RIN3: variants seen among roughly 807,000 people sequenced by gnomAD.
The protein encoded by RIN3 is RAB5 interacting protein 3.
Under a neutral mutation model 76.3 loss-of-function variants are expected in RIN3, and 54 were observed. The ratio of observed to expected loss-of-function variants is 0.71; its 90% CI spans 0.57 to 0.89. The LOEUF (loss-of-function observed/expected upper bound fraction) is 0.89. RIN3 is among the 40% of genes least tolerant of loss of function. The pLI is 0.00. For missense variants in RIN3, 1,256 were observed against 1,322.1 expected (o/e 0.95, Z 0.78); for synonymous variants, 576 against 564.0 (o/e 1.02, Z -0.30).
chr14:92,583,976 G>A (rs1884666747), intron 3 of RIN3, among the ~76,000 whole-genome samples: 1 of 152,200 alleles, frequency 6.6e-6, no homozygotes, highest in African/African-American at 2.4e-5. Context: ...AGCTCCAGTG[G>A]TGAAGCTCGC....
chr14:92,577,618 A>C, intron 3 of RIN3, 141 bp downstream of exon 3: 1 of 579,736 alleles, frequency 1.7e-6, no homozygotes, highest in Non-Finnish European at 3.1e-6. Context: ...CAGTCACTGA[A>C]GTTACTTAGC....
chr14:92,543,956 C>T (rs2140019198), intron 1 of RIN3, among the ~76,000 whole-genome samples: 1 of 152,278 alleles, frequency 6.6e-6, no homozygotes, highest in East Asian at 1.9e-4. Flanking sequence ...AATTCCTTCT[C>T]CACTCTGTCC....
Position 92,619,756 on chromosome 14 carries a change from C to T in RIN3, c.440+4277C>T, listed in dbSNP as rs117518350. Reference sequence around the variant, plus strand: ...TAGTCTTAACTGCATGTTATAATGGCGAATTTTAAAGTAAAACCTGGTAAG... The same window carrying T: ...TAGTCTTAACTGCATGTTATAATGGTGAATTTTAAAGTAAAACCTGGTAAG... On this transcript the variant is annotated intron_variant, in intron 4 of 9. Transcript: ENST00000216487. Among the ~76,000 whole-genome samples the T allele has an allele frequency of 2.6e-4, 40 of 152,150 alleles. 1 individual carries two copies. The East Asian group carries it at 6.9e-3, about 26-fold the overall frequency.
intron 1 of RIN3, among the ~76,000 whole-genome samples, chr14:92,536,201 GC>G: frequency 6.6e-6 from 1 of 152,188 alleles, no homozygotes; most frequent in Non-Finnish European, 1.5e-5. Context: ...GATCTTCTCA[GC>G]CCCTTTCATC....
At chr14:92,594,258 C>A (rs1424720676) in intron 3 of RIN3, among the ~76,000 whole-genome samples, 1 of 152,000 alleles carries the variant, frequency 6.6e-6, no homozygotes, top group Admixed American at 6.5e-5. Flanking sequence ...TATGGAGAAA[C>A]CCCATCTCTA....
chr14:92,566,457 C>T (rs1195187273), intron 2 of RIN3, among the ~76,000 whole-genome samples: 1 of 152,110 alleles, frequency 6.6e-6, no homozygotes, highest in Admixed American at 6.6e-5. Context: ...TATTGACCAC[C>T]CGTGATGTGA....
chr14:92,687,750 G>C (rs755163146), intron 9 of RIN3, 176 bp from the exon 10 acceptor site: 15 of 568,546 alleles, frequency 2.6e-5, no homozygotes, highest in Non-Finnish European at 3.9e-5. Context: ...GCCAGGCAGG[G>C]AGGGGGACGG....
chr14:92,561,044 A>AAAAAATATATAT (rs1555383856), intron 2 of RIN3, among the ~76,000 whole-genome samples: 1 of 24,398 alleles, frequency 4.1e-5, no homozygotes, highest in African/African-American at 1.3e-4. Flanking sequence ...AAAAAAAAAA[A>AAAAAATATATAT]ATATATATAT....
rs371452237 is a variant in RIN3, at chr14:92,605,311, A to G, written c.368-10096A>G. 2.6e-5 allele frequency among the ~76,000 whole-genome samples: 4 copies of G among 152,368 alleles called. No individual in the cohort carries two copies. The East Asian group carries it at 5.8e-4, about 22-fold the overall frequency. The stretch of plus-strand genomic sequence containing the variant: ...CCTAGTCAAAGAGAAACTCTGACCA[A>G]GCCCTTCAAATGGGGGTCAGAACTG... On this transcript the variant is annotated intron_variant, in intron 3 of 9. Coordinates refer to ENST00000216487, the MANE Select transcript of RIN3 (RefSeq NM_024832.5).
chr14:92,634,772 T>G (rs1313448405), intron 4 of RIN3, among the ~76,000 whole-genome samples: 1 of 151,208 alleles, frequency 6.6e-6, no homozygotes, highest in Non-Finnish European at 1.5e-5. Context: ...GCAGGAGAAT[T>G]GCTTGAACCC....
chr14:92,641,206 A>T, intron 4 of RIN3, 32 bp from the exon 5 acceptor site: 1 of 1,528,276 alleles, frequency 6.5e-7, no homozygotes, highest in South Asian at 1.1e-5. Flanking sequence ...CGGTGGACCC[A>T]GACATGACTT....
chr14:92,554,301 G>A (rs1897517600), intron 1 of RIN3, among the ~76,000 whole-genome samples: 1 of 152,144 alleles, frequency 6.6e-6, no homozygotes, highest in African/African-American at 2.4e-5. Context: ...TGAGGGTCTT[G>A]GGGAGGGTCT....
rs531257807 is a variant in RIN3 at position 92,546,723 on chromosome 14, G to A, written c.45-9028G>A. Reference sequence around the variant, plus strand: ...CATTCTCTGGGGAGCTTTGCCCCCCGCCCCCAGCCTCAGACCATTCCTCCT... The same window carrying A: ...CATTCTCTGGGGAGCTTTGCCCCCCACCCCCAGCCTCAGACCATTCCTCCT... On this transcript the variant is annotated intron_variant, in intron 1 of 9. Coordinates refer to ENST00000216487, the MANE Select transcript of RIN3 (RefSeq NM_024832.5). Among the ~76,000 whole-genome samples, 22 of 148,998 alleles carry A rather than the reference G, an allele frequency of 1.5e-4. No homozygotes were observed. In the East Asian group the frequency reaches 2.1e-3, roughly 14 times the overall value.
intron 3 of RIN3, among the ~76,000 whole-genome samples, chr14:92,578,108 C>T (rs1898311382): frequency 6.6e-6 from 1 of 151,948 alleles, no homozygotes; most frequent in African/African-American, 2.4e-5. Context: ...TGGTGGCATG[C>T]ACCTGTGGTC....
At chr14:92,599,550 C>A (rs76804619) in intron 3 of RIN3, among the ~76,000 whole-genome samples, 2 of 152,086 alleles carry the variant, frequency 1.3e-5, no homozygotes, top group Non-Finnish European at 2.9e-5. Context: ...ACGCAGTGAG[C>A]GTCGGTGCCT....
chr14:92,640,769 G>C (rs112742801), intron 4 of RIN3, among the ~76,000 whole-genome samples: 2 of 145,434 alleles, frequency 1.4e-5, no homozygotes, highest in Non-Finnish European at 3.0e-5. Context: ...TGTGTTCATC[G>C]GGGGCTGCCT....
chr14:92,609,539 T>C (rs917516600), intron 3 of RIN3, among the ~76,000 whole-genome samples: 15 of 152,134 alleles, frequency 9.9e-5, no homozygotes, highest in Admixed American at 3.3e-4. Flanking sequence ...GGCAATTTTG[T>C]TGGGAGGAGT....
intron 4 of RIN3, among the ~76,000 whole-genome samples, chr14:92,638,807 G>T (rs1041638180): frequency 1.3e-5 from 2 of 152,148 alleles, no homozygotes; most frequent in Non-Finnish European, 2.9e-5. Context: ...TCAGCTGGCC[G>T]GTCCCCAGAC....
chr14:92,631,076 A>T (rs1886559460), intron 4 of RIN3, among the ~76,000 whole-genome samples: 1 of 152,190 alleles, frequency 6.6e-6, no homozygotes. Context: ...CATGGCACAG[A>T]GGGGTGTTAC....
Sources: allele counts gnomAD v4.1 joint callset (sites outside exome capture counted in the v4.1 genomes callset), GRCh38; gene constraint gnomAD v4.1.1; transcripts MANE v1.5; gene names NCBI Gene and HGNC (gene_info 2026-07-23, HGNC 2026-07-21).